GON4L: variants seen among roughly 807,000 people sequenced by gnomAD.
GON4L encodes GON-4-like protein.
A neutral mutation model predicts 211.8 loss-of-function variants in GON4L; 87 were observed. The observed-to-expected ratio is 0.41, with a 90% CI of 0.35 to 0.49. The LOEUF (loss-of-function observed/expected upper bound fraction) is 0.49. Ranked by LOEUF, GON4L falls within the 20% of genes least tolerant of loss-of-function variation. GON4L has a pLI of 0.15. For missense variants in GON4L, 2,155 were observed against 2,659.5 expected (o/e 0.81, Z 4.17); for synonymous variants, 875 against 962.6 (o/e 0.91, Z 1.68).
chr1:155,831,801 T>C (rs1185750175), intron 2 of GON4L, among the ~76,000 whole-genome samples: 1 of 152,004 alleles, frequency 6.6e-6, no homozygotes, highest in Non-Finnish European at 1.5e-5. Flanking sequence ...GTAGGATCAG[T>C]TCAGCCCAGG....
chr1:155,805,988 G>GTTT (rs58821661), intron 10 of GON4L, among the ~76,000 whole-genome samples: 1 of 133,320 alleles, frequency 7.5e-6, no homozygotes, highest in African/African-American at 2.8e-5. Flanking sequence ...CATGCCTGGT[G>GTTT]TTTTTTTTTT....
downstream of GON4L, chr1:155,748,836 G>A: frequency 1.3e-6 from 2 of 1,552,660 alleles, no homozygotes; most frequent in Non-Finnish European, 1.8e-6. Flanking sequence ...TTTGTTTCAT[G>A]TCCTTTTCCC....
chr1:155,833,722 A>G, intron 2 of GON4L, among the ~76,000 whole-genome samples: 2 of 53,174 alleles, frequency 3.8e-5, no homozygotes, highest in Admixed American at 3.0e-4. Flanking sequence ...AGGGAAGAGG[A>G]GAGTGGGGAG....
chr1:155,754,442 TG>T lies in GON4L; in HGVS notation c.5563del (p.His1855MetfsTer9). The T allele has an allele frequency of 6.2e-7, 1 of 1,612,658 alleles. No homozygotes were observed. Among genetic ancestry groups the T allele is most frequent in the Non-Finnish European group, 8.5e-7 (1 of 1,179,262 alleles). On this transcript the variant is annotated frameshift_variant, in exon 28 of 32. Coordinates refer to ENST00000368331, the MANE Select transcript of GON4L (RefSeq NM_001282860.2). LOFTEE classifies it high-confidence loss of function. Reference sequence around the variant, plus strand: ...CAGCTTGGAATCTGGACCTCCTTCATGGCAGGAGCAGGCACAGTCCTTGGCC... The same window carrying T: ...CAGCTTGGAATCTGGACCTCCTTCATGCAGGAGCAGGCACAGTCCTTGGCC... ...DGAKDCACSC[H>X]EGGPDSKLKK...
intron 3 of GON4L, among the ~76,000 whole-genome samples, chr1:155,824,604 A>C (rs1669018999): frequency 6.6e-6 from 1 of 150,928 alleles, no homozygotes; most frequent in African/African-American, 2.4e-5. Context: ...TTAGCAGAGG[A>C]GTGGTGGAGC....
intron 1 of GON4L, among the ~76,000 whole-genome samples, chr1:155,854,474 T>A (rs974361798): frequency 1.3e-5 from 2 of 152,002 alleles, no homozygotes; most frequent in African/African-American, 4.8e-5. Flanking sequence ...ATTATTACCA[T>A]CAGGGTGGTA....
chr1:155,804,506 C>T (rs1028753589), intron 11 of GON4L, among the ~76,000 whole-genome samples: 2 of 152,080 alleles, frequency 1.3e-5, no homozygotes, highest in East Asian at 3.9e-4. Context: ...AGAATTGGCC[C>T]AGGCACGGTG....
chr1:155,857,957 G>C (rs1200208230), upstream of GON4L, among the ~76,000 whole-genome samples: 1 of 152,102 alleles, frequency 6.6e-6, no homozygotes, highest in African/African-American at 2.4e-5. Flanking sequence ...TAGGTGACTT[G>C]GTCTCCACAA....
At chr1:155,834,681 A>G (rs879677655) in intron 2 of GON4L, among the ~76,000 whole-genome samples, 2 of 152,146 alleles carry the variant, frequency 1.3e-5, no homozygotes, top group Non-Finnish European at 2.9e-5. Flanking sequence ...CTGCATGCTA[A>G]AAGAACCTCC....
chr1:155,851,001 A>C (rs1671720842), intron 2 of GON4L, among the ~76,000 whole-genome samples: 1 of 123,438 alleles, frequency 8.1e-6, no homozygotes, highest in East Asian at 2.7e-4. Flanking sequence ...TTGCAGTGAG[A>C]TGAGATCGTG....
Position 155,826,939 on chromosome 1 carries a change from T to G in GON4L, c.595A>C (p.Thr199Pro). ...GGAGAGGCACAAACATCTGGCTGGG[T>G]TGATTTCCTGGGCTGGCTTACTGGT... ...AKPVSQPRKS[T>P]QPDVCASPQE... The change falls in exon 3 of 32, where the codon ACC becomes CCC. Residue 199 changes from threonine (T) to proline (P), a missense_variant. By Grantham distance (38) the Thr-to-Pro change is conservative. This residue lies in a region of GON4L where 313 missense variants were observed against 293.2 expected (regional missense o/e 1.07). Transcript: ENST00000368331. 1.2e-6 allele frequency: 2 copies of G among 1,613,990 alleles called. No individual in the cohort carries two copies. The highest frequency in any genetic ancestry group is 1.7e-6 in the Non-Finnish European group (2 of 1,179,852).
In GON4L at chr1:155,766,678, C is replaced by A. The variant is rs553583157; in HGVS notation, c.2795G>T (p.Arg932Leu). Reference sequence around the variant, plus strand: ...CTCTCTAGCACCATCAGCCATGTGCCGCAGTTCTTCCTGGATGGATGGCAG... The same window carrying A: ...CTCTCTAGCACCATCAGCCATGTGCAGCAGTTCTTCCTGGATGGATGGCAG... ...ASLPSIQEELRHMADGAREVG... is the reference protein window; with the variant it reads ...ASLPSIQEELLHMADGAREVG... Residue 932 changes from arginine to leucine, a missense_variant, in exon 21 of 32, where the codon CGG (arginine) becomes CTG (leucine). Coordinates refer to ENST00000368331, the MANE Select transcript of GON4L (RefSeq NM_001282860.2). 6.2e-7 allele frequency: 1 copy of A among 1,614,032 alleles called. No individual in the cohort carries two copies.
intron 11 of GON4L, among the ~76,000 whole-genome samples, chr1:155,799,303 A>G (rs1666404217): frequency 6.6e-6 from 1 of 152,176 alleles, no homozygotes; most frequent in African/African-American, 2.4e-5. Flanking sequence ...GTATGGTGGC[A>G]TGTGCCTGTA....
At chr1:155,791,134 C>T (rs1045991038) in intron 12 of GON4L, among the ~76,000 whole-genome samples, 9 of 148,560 alleles carry the variant, frequency 6.1e-5, no homozygotes, top group Admixed American at 1.3e-4. Context: ...TGGTGGCAGG[C>T]GCCTGTAATC....
In GON4L at chr1:155,765,714, T is replaced by C. The variant is rs1375799150; in HGVS notation, c.3759A>G (p.Glu1253=). Reference sequence around the variant, plus strand: ...AAACAGTAGCAGAGAGAGGAGATAGTTCCTGGGGCTCTAATTTGGGTTCTA... The same window carrying C: ...AAACAGTAGCAGAGAGAGGAGATAGCTCCTGGGGCTCTAATTTGGGTTCTA... The part of the protein sequence containing the change: ...QGLEPKLEPQ[E]LSPLSATVFP... The change falls in exon 21 of 32, where the codon GAA becomes GAG. Residue 1253 remains glutamate, a synonymous_variant. Coordinates refer to ENST00000368331, the MANE Select transcript of GON4L (RefSeq NM_001282860.2). 5 of 1,614,098 alleles carry C rather than the reference T, an allele frequency of 3.1e-6. No individual in the cohort carries two copies. The highest frequency in any genetic ancestry group is 4.2e-6 in the Non-Finnish European group (5 of 1,180,046).
chr1:155,799,160 C>T (rs774373187), intron 11 of GON4L, among the ~76,000 whole-genome samples: 2 of 152,114 alleles, frequency 1.3e-5, no homozygotes, highest in Admixed American at 6.6e-5. Flanking sequence ...AGTTGCTGGG[C>T]GTGGTGGCTC....
chr1:155,822,167 C>T (rs1025563040), intron 4 of GON4L, 119 bp downstream of exon 4: 9 of 844,770 alleles, frequency 1.1e-5, no homozygotes, highest in East Asian at 2.4e-5. Flanking sequence ...TGTTCTGTCA[C>T]GGGTAACCCA....
chr1:155,750,488 C>T lies in GON4L; in HGVS notation c.*96G>A. ...GCCTCCTGCTCTCCAGATCTGTAAA[C>T]TGGGCTCAAGGACTGTACAAGCAGA... is the stretch of plus-strand genomic sequence containing the variant. On this transcript the variant is annotated 3_prime_UTR_variant, in exon 32 of 32. Transcript: ENST00000368331. 1.0e-6 allele frequency: 1 copy of T among 958,238 alleles called. No homozygotes were observed. The highest frequency in any genetic ancestry group is 2.5e-5 in the East Asian group (1 of 39,610). 59.4% of individuals were successfully genotyped at this position (958,238 alleles called of 1,614,324 possible).
chr1:155,768,734 G>A (rs1165119590), intron 19 of GON4L, among the ~76,000 whole-genome samples: 1 of 151,298 alleles, frequency 6.6e-6, no homozygotes, highest in Non-Finnish European at 1.5e-5. Context: ...CGTGAGCCAC[G>A]GCCCCATTTA....
Sources: allele counts gnomAD v4.1 joint callset (sites outside exome capture counted in the v4.1 genomes callset), GRCh38; gene constraint gnomAD v4.1.1; regional missense constraint gnomAD v4.1.1; transcripts MANE v1.5; gene names NCBI Gene and HGNC (gene_info 2026-07-23, HGNC 2026-07-21).